The following IQCE variants were observed in gnomAD, a reference collection of about 807,000 sequenced individuals.
IQCE encodes the protein IQ domain-containing protein E.
Under a neutral mutation model 96.0 loss-of-function variants are expected in IQCE, and 115 were observed. That is an observed-to-expected ratio of 1.20 (90% CI 1.03 to 1.40). The LOEUF (loss-of-function observed/expected upper bound fraction) is 1.40. Among genes scored for constraint, IQCE ranks in the 40% most tolerant of loss-of-function variants. The pLI is 0.00. For missense variants in IQCE, 1,041 were observed against 909.1 expected, an observed-to-expected ratio of 1.15 and a Z score of -1.87; for synonymous variants, 412 against 371.2, an observed-to-expected ratio of 1.11 and a Z score of -1.26.
intron 13 of IQCE, among the ~76,000 whole-genome samples, chr7:2,588,102 G>A (rs1383648288): frequency 1.3e-5 from 2 of 152,196 alleles, no homozygotes; most frequent in East Asian, 1.9e-4. Flanking sequence ...GCAGGCAGAC[G>A]CGCTTCGCAC....
In IQCE at chr7:2,578,352, C is replaced by A. The variant is rs1233635393; in HGVS notation, c.576C>A (p.Ser192Arg). 1 of 1,613,300 alleles carries A rather than the reference C, an allele frequency of 6.2e-7. No homozygotes were observed. Among genetic ancestry groups the A allele is most frequent in the Non-Finnish European group, 8.5e-7 (1 of 1,179,528 alleles). ...AGATAGAGCAGCTCCTGGATCCCAGCCGCGTAAGCTCCTGGCGCTTCACGG... is the reference window on the plus strand; with the variant it reads ...AGATAGAGCAGCTCCTGGATCCCAGACGCGTAAGCTCCTGGCGCTTCACGG... ...DRQIEQLLDP[S>R]RGTDFVRTLA... Residue 192 changes from serine to arginine, a missense_variant, in exon 7 of 22, where the codon AGC becomes AGA. Coordinates refer to ENST00000402050, the MANE Select transcript of IQCE (RefSeq NM_152558.5).
At chr7:2,589,296 A>C (rs1160983156) in intron 13 of IQCE, among the ~76,000 whole-genome samples, 1 of 152,110 alleles carries the variant, frequency 6.6e-6, no homozygotes, top group Non-Finnish European at 1.5e-5. Flanking sequence ...TGAGCCCAGG[A>C]GTTCAAGGAT....
intron 10 of IQCE, among the ~76,000 whole-genome samples, 184 bp from the exon 11 acceptor site, chr7:2,584,052 G>A (rs893318807): frequency 3.3e-5 from 5 of 152,048 alleles, no homozygotes; most frequent in African/African-American, 1.2e-4. Flanking sequence ...GCCGAGCCCA[G>A]GTGGCCCAGA....
At chr7:2,571,839 G>A (rs1021385740) in intron 4 of IQCE, among the ~76,000 whole-genome samples, 185 bp downstream of exon 4, 2 of 152,196 alleles carry the variant, frequency 1.3e-5, no homozygotes, top group African/African-American at 4.8e-5. Context: ...TCGCCAAGTG[G>A]CGCTTTAGCC....
Position 2,589,999 on chromosome 7 carries a change from C to T in IQCE, c.1137C>T (p.His379=). 11 of 1,613,934 alleles carry T rather than the reference C, an allele frequency of 6.8e-6. No homozygotes were observed. The highest frequency in any genetic ancestry group is 2.2e-5 in the East Asian group (1 of 44,884). Residue 379 remains histidine (H), a synonymous_variant, in exon 14 of 22, where the codon CAC becomes CAT. Transcript: ENST00000402050. ...GCCTTGCATCCAGCTCTGCGCTGCA[C>T]AGACAGCCACGAGGGGACCGCAACA... ...PACLASSSAL[H]RQPRGDRNKD... is the part of the protein sequence containing the mutation.
intron 3 of IQCE, among the ~76,000 whole-genome samples, chr7:2,569,549 G>A (rs1032202169): frequency 1.3e-5 from 2 of 152,086 alleles, no homozygotes; most frequent in Non-Finnish European, 2.9e-5. Flanking sequence ...AGGGTGCCGC[G>A]GAGGTGGGGT....
intron 16 of IQCE, 115 bp from the exon 17 acceptor site, chr7:2,598,350 A>T: frequency 2.0e-6 from 2 of 1,017,848 alleles, no homozygotes; most frequent in South Asian, 3.4e-5. Flanking sequence ...CACATTAGTG[A>T]GACTCACCTG....
intron 3 of IQCE, among the ~76,000 whole-genome samples, chr7:2,569,442 C>T (rs1424783944): frequency 6.6e-6 from 1 of 152,082 alleles, no homozygotes; most frequent in Non-Finnish European, 1.5e-5. Flanking sequence ...CACCTTTTTC[C>T]CCTTTGGATC....
chr7:2,582,921 G>A (rs1782787927), intron 9 of IQCE, among the ~76,000 whole-genome samples: 1 of 151,968 alleles, frequency 6.6e-6, no homozygotes, highest in Non-Finnish European at 1.5e-5. Context: ...AGGTTTTAAC[G>A]CCTCAGTCCT....
rs2128468216 is a variant in IQCE, at chr7:2,600,466, T to A, written c.1609-975T>A. Among the ~76,000 whole-genome samples, 2 of 152,324 alleles carry A rather than the reference T, an allele frequency of 1.3e-5. 1 individual carries two copies. The highest frequency in any genetic ancestry group is 6.8e-3 in the Middle Eastern group (2 of 294). On this transcript the variant is annotated intron_variant, in intron 17 of 21. Coordinates refer to ENST00000402050, the MANE Select transcript of IQCE (RefSeq NM_152558.5). ...TCCCTGAGGTCTGTCCCCACCACCT[T>A]TCCCCTTGTGGTCTTAGTGTCCTTC...
chr7:2,604,299 C>T lies in IQCE; in HGVS notation c.1633-582C>T, dbSNP rs149608480. Among the ~76,000 whole-genome samples, 5 of 152,170 alleles carry T rather than the reference C, an allele frequency of 3.3e-5. No individual in the cohort carries two copies. In the East Asian group the frequency reaches 5.8e-4, roughly 18 times the overall value. ...GTGCCCAGCTAATTTTCTGTAGAGA[C>T]GAGGTCTTGCTGTGTTGCCCGGGCT... On this transcript the variant is annotated intron_variant, in intron 18 of 21. Transcript: ENST00000402050.
At chr7:2,571,469 T>A (rs898535780) in intron 3 of IQCE, 57 bp from the exon 4 acceptor site, 36 of 1,598,224 alleles carry the variant, frequency 2.3e-5, no homozygotes, top group Non-Finnish European at 3.0e-5. Context: ...GAAGTTCATG[T>A]GTTGAGCTCA....
At chr7:2,573,145 T>A (rs1484523671) in intron 5 of IQCE, among the ~76,000 whole-genome samples, 1 of 152,224 alleles carries the variant, frequency 6.6e-6, no homozygotes, top group Non-Finnish European at 1.5e-5. Context: ...GTGAGTCCCT[T>A]CTTTCATCCT....
intron 1 of IQCE, among the ~76,000 whole-genome samples, chr7:2,561,341 G>GT (rs1780939452): frequency 6.6e-6 from 1 of 151,984 alleles, no homozygotes; most frequent in South Asian, 2.1e-4. Context: ...TTATTCCTAA[G>GT]TATTTTATGC....
chr7:2,561,955 G>A (rs1780999711), intron 1 of IQCE, among the ~76,000 whole-genome samples: 1 of 152,180 alleles, frequency 6.6e-6, no homozygotes, highest in Non-Finnish European at 1.5e-5. Context: ...TGATGAGAAA[G>A]GACAGCCTTG....
At chr7:2,596,933 T>A in intron 16 of IQCE, 1 of 467,514 alleles carries the variant, frequency 2.1e-6, no homozygotes, top group Non-Finnish European at 4.5e-6. Context: ...GCTGTGTGGA[T>A]GTACCCAGGG....
chr7:2,583,701 T>C lies in IQCE; in HGVS notation c.766T>C (p.Tyr256His), dbSNP rs1399367055. 6.5e-7 allele frequency: 1 copy of C among 1,532,752 alleles called. No individual in the cohort carries two copies. Among genetic ancestry groups the C allele is most frequent in the Non-Finnish European group, 8.8e-7 (1 of 1,132,832 alleles). The allele number at this position is 1,532,752 out of a possible 1,614,324, so 94.9% of individuals were successfully genotyped here. A position where few individuals can be genotyped will look rare whatever the true frequency, so the allele number is the denominator to read the frequency against. ...EEMRIAMETY[Y>H]EEVHRLQTLL... is the part of the protein sequence containing the mutation. ...GATGCGGATCGCCATGGAGACATACTACGAGGAGGTGCGCCGTGCTGGGCG... is the reference window on the plus strand; with the variant it reads ...GATGCGGATCGCCATGGAGACATACCACGAGGAGGTGCGCCGTGCTGGGCG... The change falls in exon 10 of 22, where the codon TAC becomes CAC. Residue 256 changes from tyrosine to histidine, a missense_variant. Transcript: ENST00000402050.
intron 6 of IQCE, among the ~76,000 whole-genome samples, chr7:2,575,798 G>A (rs981143036): frequency 1.3e-5 from 2 of 152,106 alleles, no homozygotes; most frequent in Non-Finnish European, 1.5e-5. Context: ...CAGCTCAGAT[G>A]AGGCAGAAAG....
At chr7:2,560,955 CAA>C (rs746886884) in intron 1 of IQCE, among the ~76,000 whole-genome samples, 47 of 58,772 alleles carry the variant, frequency 8.0e-4, no homozygotes, top group African/African-American at 2.5e-3. Flanking sequence ...GACTCTGTCT[CAA>C]AAAAAAAAAA....
Sources: allele counts gnomAD v4.1 joint callset (sites outside exome capture counted in the v4.1 genomes callset), GRCh38; gene constraint gnomAD v4.1.1; transcripts MANE v1.5; gene names NCBI Gene and HGNC (gene_info 2026-07-23, HGNC 2026-07-21).